CRCP: variants seen among roughly 807,000 people sequenced by gnomAD.
The protein encoded by CRCP is CGRP receptor component, also known as DNA-directed RNA polymerase III subunit RPC9.
A neutral mutation model predicts 18.5 loss-of-function variants in CRCP; 18 were observed. The observed-to-expected ratio is 0.97, with a 90% confidence interval of 0.67 to 1.44. The LOEUF is 1.44. Ranked by LOEUF, CRCP falls within the 40% of genes most tolerant of loss-of-function variation. The pLI is 0.00. For missense variants in CRCP, 130 were observed against 176.4 expected, an observed-to-expected ratio of 0.74 and a Z score of 1.49; for synonymous variants, 53 against 62.9, an observed-to-expected ratio of 0.84 and a Z score of 0.75.
intron 3 of CRCP, among the ~76,000 whole-genome samples, chr7:66,133,861 T>C (rs1787887372): frequency 7.0e-6 from 1 of 143,272 alleles, no homozygotes; most frequent in South Asian, 2.2e-4. Flanking sequence ...TTGTTTTCTT[T>C]TTTTTTTTTT....
chr7:66,122,374 CAAAAAAAAAAAAA>C (rs939428601), intron 1 of CRCP, among the ~76,000 whole-genome samples: 3 of 57,956 alleles, frequency 5.2e-5, no homozygotes, highest in African/African-American at 2.1e-4. Context: ...GACTCCGTCT[CAAAAAAAAAAAAA>C]AAAAAAAAGG....
chr7:66,122,560 G>A (rs1022503992), intron 1 of CRCP, among the ~76,000 whole-genome samples: 2 of 151,902 alleles, frequency 1.3e-5, no homozygotes, highest in African/African-American at 4.8e-5. Context: ...CAAATGGAAA[G>A]TCAGCTTCAG....
intron 1 of CRCP, among the ~76,000 whole-genome samples, chr7:66,116,107 T>C (rs1357451546): frequency 1.3e-5 from 2 of 151,546 alleles, no homozygotes; most frequent in Non-Finnish European, 2.9e-5. Flanking sequence ...CCTCTTCCGA[T>C]TTTTTTTTAA....
intron 1 of CRCP, among the ~76,000 whole-genome samples, chr7:66,121,314 G>T (rs1010915498): frequency 6.6e-6 from 1 of 152,080 alleles, no homozygotes; most frequent in African/African-American, 2.4e-5. Context: ...GCCTCCGAAA[G>T]TGCTGGGATT....
intron 5 of CRCP, among the ~76,000 whole-genome samples, chr7:66,151,310 C>T (rs1279006367): frequency 6.6e-6 from 1 of 151,844 alleles, no homozygotes; most frequent in Non-Finnish European, 1.5e-5. Flanking sequence ...TGGCTCACGC[C>T]TGTAATCCCA....
chr7:66,114,956 G>A lies in CRCP; in HGVS notation c.-7G>A, dbSNP rs1304520021. On this transcript the variant is annotated 5_prime_UTR_variant, in exon 1 of 6. Coordinates refer to ENST00000395326, the MANE Select transcript of CRCP (RefSeq NM_014478.5). Reference sequence around the variant, plus strand: ...GCTGGCAGCTAGGGGCGACGAGGCGGGACGTCATGGAAGTGTAAGTCTTCT... The same window carrying A: ...GCTGGCAGCTAGGGGCGACGAGGCGAGACGTCATGGAAGTGTAAGTCTTCT... 3 of 1,612,106 alleles carry A rather than the reference G, an allele frequency of 1.9e-6. No individual in the cohort carries two copies. The highest frequency in any genetic ancestry group is 2.7e-5 in the African/African-American group (2 of 75,014).
At chr7:66,145,371 C>A in intron 4 of CRCP, 72 bp from the exon 5 acceptor site, 1 of 1,485,502 alleles carries the variant, frequency 6.7e-7, no homozygotes, top group South Asian at 1.1e-5. Flanking sequence ...GCAAATTATT[C>A]TCTGTGCAGC....
chr7:66,135,213 TA>T (rs1474676228), intron 4 of CRCP, among the ~76,000 whole-genome samples: 1 of 152,228 alleles, frequency 6.6e-6, no homozygotes, highest in East Asian at 1.9e-4. Flanking sequence ...GTTCTACTCT[TA>T]AAGCAGGACC....
intron 4 of CRCP, among the ~76,000 whole-genome samples, chr7:66,141,681 T>C (rs557158720): frequency 1.2e-4 from 18 of 152,270 alleles, no homozygotes; most frequent in Non-Finnish European, 2.5e-4. Context: ...CAGTGTCAGA[T>C]GGAGTAGGAC....
At chr7:66,115,436 C>T (rs1787229511) in intron 1 of CRCP, among the ~76,000 whole-genome samples, 1 of 152,036 alleles carries the variant, frequency 6.6e-6, no homozygotes, top group Non-Finnish European at 1.5e-5. Flanking sequence ...GAGCTGCCCT[C>T]GGAATTTGAT....
chr7:66,150,088 G>A (rs938100245), intron 5 of CRCP, among the ~76,000 whole-genome samples: 13 of 151,442 alleles, frequency 8.6e-5, no homozygotes, highest in African/African-American at 2.2e-4. Context: ...TTACAGGCGT[G>A]AGCCACCGCA....
intron 3 of CRCP, among the ~76,000 whole-genome samples, chr7:66,131,209 C>T (rs1258499253): frequency 3.3e-5 from 5 of 152,126 alleles, no homozygotes; most frequent in African/African-American, 4.8e-5. Flanking sequence ...CTCCTGACCT[C>T]GTGATCCGTC....
intron 3 of CRCP, among the ~76,000 whole-genome samples, chr7:66,133,462 C>G (rs545514999): frequency 6.7e-6 from 1 of 149,278 alleles, no homozygotes; most frequent in Non-Finnish European, 1.5e-5. Flanking sequence ...GAGCCGAGAT[C>G]GTGCCGCTGC....
intron 4 of CRCP, among the ~76,000 whole-genome samples, chr7:66,140,353 A>AT (rs1242393456): frequency 1.5e-5 from 1 of 67,610 alleles, no homozygotes; most frequent in Non-Finnish European, 2.8e-5. Context: ...AGAGTCGGGT[A>AT]TTTTTTTTGT....
intron 1 of CRCP, among the ~76,000 whole-genome samples, chr7:66,116,335 A>C (rs1787261020): frequency 6.6e-6 from 1 of 151,778 alleles, no homozygotes; most frequent in Non-Finnish European, 1.5e-5. Context: ...TCTCTGCAAA[A>C]AATTAAGAAG....
intron 4 of CRCP, among the ~76,000 whole-genome samples, chr7:66,143,465 A>G (rs982379292): frequency 4.6e-5 from 7 of 152,008 alleles, no homozygotes; most frequent in African/African-American, 1.7e-4. Flanking sequence ...TCCTCTGGGC[A>G]CGTCCTTGTG....
intron 4 of CRCP, among the ~76,000 whole-genome samples, chr7:66,141,987 T>G (rs1788154935): frequency 1.3e-5 from 2 of 152,010 alleles, no homozygotes; most frequent in Non-Finnish European, 2.9e-5. Context: ...TGACCTCGAG[T>G]TGGAGTTTTT....
intron 4 of CRCP, among the ~76,000 whole-genome samples, chr7:66,144,684 G>C (rs201100974): frequency 6.6e-6 from 1 of 151,864 alleles, no homozygotes. Flanking sequence ...TTTTAATGTC[G>C]CCCAGGCTGA....
chr7:66,125,981 T>G (rs1787607269), intron 1 of CRCP, among the ~76,000 whole-genome samples: 1 of 149,458 alleles, frequency 6.7e-6, no homozygotes, highest in Non-Finnish European at 1.5e-5. Context: ...GTTTGATTTG[T>G]CATTTTCAAT....
Sources: allele counts gnomAD v4.1 joint callset (sites outside exome capture counted in the v4.1 genomes callset), GRCh38; gene constraint gnomAD v4.1.1; transcripts MANE v1.5; gene names NCBI Gene and HGNC (gene_info 2026-07-23, HGNC 2026-07-21).